The following DEPTOR variants were observed in gnomAD, a reference collection of about 807,000 sequenced individuals.
The protein encoded by DEPTOR is DEP domain-containing mTOR-interacting protein.
DEPTOR carries 41 observed loss-of-function variants against 41.6 expected under a neutral mutation model. The ratio of observed to expected loss-of-function variants is 0.98; its 90% CI spans 0.77 to 1.28. DEPTOR has a LOEUF of 1.28. DEPTOR is among the 50% of genes most tolerant of loss of function. The pLI, the probability that DEPTOR is intolerant of heterozygous loss-of-function variation, is 0.00. For synonymous variants in DEPTOR, 195 were observed against 192.3 expected, an observed-to-expected ratio of 1.01 and a Z score of -0.12; for missense variants, 514 against 527.9, an observed-to-expected ratio of 0.97 and a Z score of 0.26.
intron 1 of DEPTOR, among the ~76,000 whole-genome samples, chr8:119,887,234 C>T (rs1827379203): frequency 2.9e-5 from 4 of 138,450 alleles, no homozygotes; most frequent in Admixed American, 7.4e-5. Context: ...GGTTCAGTGG[C>T]ATAATCTCAG....
intron 8 of DEPTOR, among the ~76,000 whole-genome samples, chr8:120,015,001 T>C (rs1477673673): frequency 6.6e-6 from 1 of 152,146 alleles, no homozygotes; most frequent in Non-Finnish European, 1.5e-5. Context: ...AGACATCCTC[T>C]GCTTTAGTCA....
intron 1 of DEPTOR, among the ~76,000 whole-genome samples, chr8:119,879,589 A>G (rs6994428): frequency 0.88 from 134,432 of 152,008 alleles, 59,536 homozygotes; most frequent in East Asian, 0.97. Flanking sequence ...GTACATGCCT[A>G]TAGTCCCATC....
At chr8:120,000,562 A>C (rs1812331862) in intron 4 of DEPTOR, among the ~76,000 whole-genome samples, 1 of 151,956 alleles carries the variant, frequency 6.6e-6, no homozygotes, top group South Asian at 2.1e-4. Flanking sequence ...TCCCGGGTTC[A>C]AGTGATTCTT....
At chr8:120,041,182 C>A (rs1813063886) in intron 8 of DEPTOR, among the ~76,000 whole-genome samples, 1 of 152,162 alleles carries the variant, frequency 6.6e-6, no homozygotes, top group East Asian at 1.9e-4. Context: ...ATACAGACTT[C>A]CATGACAGTG....
chr8:119,883,102 C>T (rs979394878), intron 1 of DEPTOR, among the ~76,000 whole-genome samples: 1 of 152,114 alleles, frequency 6.6e-6, no homozygotes, highest in East Asian at 1.9e-4. Flanking sequence ...CAGAGAATCA[C>T]TTTTTGGTAG....
In DEPTOR at chr8:119,873,928, G is replaced by A. The variant is rs375233020; in HGVS notation, c.82G>A (p.Glu28Lys). The part of the protein sequence containing the change: ...GSGGAQQREL[E>K]RMAEVLVTGE... Reference sequence around the variant, plus strand: ...TGGCGGGGCGCAGCAAAGGGAGCTGGAGCGCATGGCTGAGGTCTTGGTCAC... The same window carrying A: ...TGGCGGGGCGCAGCAAAGGGAGCTGAAGCGCATGGCTGAGGTCTTGGTCAC... The change falls in exon 1 of 9, where the codon GAG (glutamate) becomes AAG (lysine). Residue 28 changes from glutamate to lysine, a missense_variant. Coordinates refer to ENST00000286234, the MANE Select transcript of DEPTOR (RefSeq NM_022783.4). The A allele has an allele frequency of 3.1e-6, 5 of 1,613,698 alleles. No individual in the cohort carries two copies. In the African/African-American group the frequency reaches 6.7e-5, roughly 22 times the overall value.
At chr8:119,966,157 C>T (rs866854950) in intron 4 of DEPTOR, among the ~76,000 whole-genome samples, 4 of 152,136 alleles carry the variant, frequency 2.6e-5, no homozygotes, top group African/African-American at 9.7e-5. Context: ...CGTTGGTTAA[C>T]TGTAGGTCAT....
chr8:119,955,269 A>G (rs1828403696), intron 3 of DEPTOR, among the ~76,000 whole-genome samples: 1 of 152,184 alleles, frequency 6.6e-6, no homozygotes, highest in Admixed American at 6.6e-5. Flanking sequence ...TTTGTAGCAC[A>G]AAAGTTTTTA....
At chr8:120,019,812 G>A (rs1412754097) in intron 8 of DEPTOR, among the ~76,000 whole-genome samples, 1 of 152,054 alleles carries the variant, frequency 6.6e-6, no homozygotes. Flanking sequence ...GTTCTCTGAG[G>A]TTCAGCTTTC....
chr8:119,903,849 G>T (rs1647385669), intron 1 of DEPTOR, among the ~76,000 whole-genome samples: 1 of 152,104 alleles, frequency 6.6e-6, no homozygotes, highest in African/African-American at 2.4e-5. Flanking sequence ...TTCGAATTTG[G>T]TCTTCCCAGC....
chr8:119,877,002 G>T (rs11781657), intron 1 of DEPTOR, among the ~76,000 whole-genome samples: 73,560 of 152,080 alleles, frequency 0.48, 19,458 homozygotes, highest in East Asian at 0.92. Flanking sequence ...GGAAGGATTG[G>T]GTGGTGGTGA....
chr8:119,883,132 G>T (rs760675810), intron 1 of DEPTOR, among the ~76,000 whole-genome samples: 1 of 152,048 alleles, frequency 6.6e-6, no homozygotes, highest in Non-Finnish European at 1.5e-5. Context: ...TATTTGTGAG[G>T]TTGGGTGGGG....
At chr8:119,920,222 G>A (rs138417955) in intron 1 of DEPTOR, among the ~76,000 whole-genome samples, 308 of 152,190 alleles carry the variant, frequency 2.0e-3, no homozygotes, top group Non-Finnish European at 3.4e-3. Context: ...TTCTATCTAT[G>A]CTTCCCACCA....
intron 8 of DEPTOR, among the ~76,000 whole-genome samples, chr8:120,017,513 T>C (rs545764853): frequency 8.2e-4 from 125 of 152,344 alleles, no homozygotes; most frequent in African/African-American, 3.0e-3. Flanking sequence ...AGAATTTGTA[T>C]TCTTGTTGGA....
At chr8:119,925,527 G>C (rs1467087049) in intron 1 of DEPTOR, among the ~76,000 whole-genome samples, 1 of 152,116 alleles carries the variant, frequency 6.6e-6, no homozygotes, top group Non-Finnish European at 1.5e-5. Flanking sequence ...ATCTCCACCT[G>C]GCCCTGCCCT....
chr8:120,029,648 G>A (rs770193404), intron 8 of DEPTOR, among the ~76,000 whole-genome samples: 12 of 152,014 alleles, frequency 7.9e-5, no homozygotes, highest in Admixed American at 1.3e-4. Context: ...CACCCACCTC[G>A]GCCTCCCAAA....
At chr8:120,048,715 A>C (rs1813188848) in intron 8 of DEPTOR, among the ~76,000 whole-genome samples, 1 of 152,224 alleles carries the variant, frequency 6.6e-6, no homozygotes, top group Non-Finnish European at 1.5e-5. Flanking sequence ...GAAAGAGATT[A>C]ATAGTACTCA....
rs562284211 is a variant in DEPTOR at position 119,974,894 on chromosome 8, A to G, written c.604+9484A>G. On this transcript the variant is annotated intron_variant, in intron 4 of 8. Transcript: ENST00000286234. ...GAGGGTCAGAAAAAGACCTTATACAAATGTATGGTTTGTTATGCAGACTTA... is the reference window on the plus strand; with the variant it reads ...GAGGGTCAGAAAAAGACCTTATACAGATGTATGGTTTGTTATGCAGACTTA... 5.9e-5 allele frequency among the ~76,000 whole-genome samples: 9 copies of G among 152,216 alleles called. No individual in the cohort carries two copies. The South Asian group carries it at 1.9e-3, about 32-fold the overall frequency.
chr8:119,933,453 G>GAC (rs35420959), intron 3 of DEPTOR, among the ~76,000 whole-genome samples: 49,593 of 124,184 alleles, frequency 0.4, 9,898 homozygotes, highest in Middle Eastern at 0.45. Flanking sequence ...GACAGAGCAA[G>GAC]ACACACACAC....
Sources: allele counts gnomAD v4.1 joint callset (sites outside exome capture counted in the v4.1 genomes callset), GRCh38; gene constraint gnomAD v4.1.1; transcripts MANE v1.5; gene names NCBI Gene and HGNC (gene_info 2026-07-23, HGNC 2026-07-21).